The following CYTH3 variants were observed in gnomAD, a reference collection of about 807,000 sequenced individuals.
The protein encoded by CYTH3 is cytohesin 3.
CYTH3 carries 23 observed loss-of-function variants against 55.1 expected under a neutral mutation model. The ratio of observed to expected loss-of-function variants is 0.42; its 90% CI spans 0.30 to 0.59. CYTH3 has a LOEUF of 0.59. Among genes scored for constraint, CYTH3 ranks in the 20% least tolerant of loss-of-function variants. The probability of loss-of-function intolerance (pLI) is 0.20; values close to 1 mark genes in which losing one functional copy is unlikely to be tolerated. For synonymous variants in CYTH3, 249 were observed against 194.9 expected (o/e 1.28, Z -2.31); for missense variants, 413 against 524.8 (o/e 0.79, Z 2.08).
intron 1 of CYTH3, among the ~76,000 whole-genome samples, chr7:6,242,201 C>G (rs540820982): frequency 1.3e-5 from 2 of 150,172 alleles, no homozygotes; most frequent in Non-Finnish European, 3.0e-5. Flanking sequence ...CTCAGCCTCC[C>G]GAGTAGCTGG....
chr7:6,191,003 G>A (rs950911172), intron 1 of CYTH3, among the ~76,000 whole-genome samples: 1 of 152,038 alleles, frequency 6.6e-6, no homozygotes, highest in Non-Finnish European at 1.5e-5. Context: ...CTTGAACCCA[G>A]GAGGCGGAGG....
chr7:6,235,629 T>C (rs1257297714), intron 1 of CYTH3, among the ~76,000 whole-genome samples: 1 of 152,148 alleles, frequency 6.6e-6, no homozygotes, highest in Admixed American at 6.5e-5. Flanking sequence ...TTCTTTCTTA[T>C]ACACGGGAGT....
At position 6,169,471 on chromosome 7, in the gene CYTH3, A is replaced by G. The variant is rs539340739; in HGVS notation, c.823+1064T>C. Among the ~76,000 whole-genome samples, 1 of 152,128 alleles carries G rather than the reference A, an allele frequency of 6.6e-6. No individual in the cohort carries two copies. Among genetic ancestry groups the G allele is most frequent in the Admixed American group, 6.5e-5 (1 of 15,268 alleles). On this transcript the variant is annotated intron_variant, in intron 9 of 12. Transcript: ENST00000350796. This position sits in a 1 kb window ranked among gnomAD's most constrained non-coding sequence, Gnocchi z 4.1. ...AGCAATCCTCCCACCTCAGCCTCCC[A>G]AAGCACTAGGATTACACACATGAGC...
intron 1 of CYTH3, among the ~76,000 whole-genome samples, chr7:6,259,807 ATATATAATATATATATATATATATATTTT>A (rs1562417993): frequency 8.8e-4 from 23 of 26,180 alleles, no homozygotes; most frequent in South Asian, 2.2e-3. Flanking sequence ...ATATATATAT[ATATATAATATATATATATATATATATTTT>A]TTTTTTTTTT....
intron 2 of CYTH3, chr7:6,188,749 T>C (rs1022632645): frequency 1.1e-4 from 17 of 152,186 alleles, no homozygotes; most frequent in African/African-American, 3.6e-4. Context: ...TGCTCACTGA[T>C]AAAATGAAGT....
Position 6,170,421 on chromosome 7 carries a change from T to C in CYTH3, c.823+114A>G, listed in dbSNP as rs544920924. 2.0e-6 allele frequency: 2 copies of C among 983,134 alleles called. No individual in the cohort carries two copies. Among genetic ancestry groups the C allele is most frequent in the Non-Finnish European group, 3.0e-6 (2 of 668,054 alleles). 60.9% of individuals were successfully genotyped at this position (983,134 alleles called of 1,614,324 possible). A position where few individuals can be genotyped will look rare whatever the true frequency, so the allele number is the denominator to read the frequency against. On this transcript the variant is annotated intron_variant, in intron 9 of 12. Transcript: ENST00000350796. This position sits in a 1 kb window ranked among gnomAD's most constrained non-coding sequence, Gnocchi z 7.8. Reference sequence around the variant, plus strand: ...GCTCTGGCTTAACCGCGTTTCTTTTTAACGTCTCTGCCTGCGGTGGGGGGC... The same window carrying C: ...GCTCTGGCTTAACCGCGTTTCTTTTCAACGTCTCTGCCTGCGGTGGGGGGC...
intron 1 of CYTH3, among the ~76,000 whole-genome samples, chr7:6,252,759 G>C (rs894057969): frequency 3.9e-5 from 6 of 152,184 alleles, no homozygotes; most frequent in Admixed American, 1.3e-4. Context: ...CTTCATCCAA[G>C]GATCTGACAG....
intron 1 of CYTH3, among the ~76,000 whole-genome samples, chr7:6,230,151 A>G (rs1215361503): frequency 1.3e-5 from 2 of 152,176 alleles, no homozygotes; most frequent in Non-Finnish European, 2.9e-5. Context: ...AAATAAAAAT[A>G]AACATAAAAT....
intron 4 of CYTH3, 72 bp from the exon 5 acceptor site, chr7:6,178,013 C>A (rs553995436): frequency 1.7e-6 from 2 of 1,190,088 alleles, no homozygotes; most frequent in Non-Finnish European, 2.5e-6. Flanking sequence ...CAGAAATACA[C>A]TTAGTGTCAG....
intron 1 of CYTH3, among the ~76,000 whole-genome samples, chr7:6,244,596 C>G (rs560436761): frequency 1.3e-5 from 2 of 152,272 alleles, no homozygotes; most frequent in African/African-American, 4.8e-5. Flanking sequence ...TCCTGAGTAG[C>G]TGGGACTACC....
intron 1 of CYTH3, among the ~76,000 whole-genome samples, chr7:6,208,929 T>TC (rs549813984): frequency 1.8e-4 from 28 of 152,290 alleles, no homozygotes; most frequent in Admixed American, 7.8e-4. Flanking sequence ...CTAGACCCTA[T>TC]CCCAAACCTA....
intron 1 of CYTH3, among the ~76,000 whole-genome samples, chr7:6,239,377 T>C (rs1031901336): frequency 5.3e-5 from 8 of 152,124 alleles, no homozygotes; most frequent in East Asian, 3.9e-4. Context: ...AGCCAACATA[T>C]AAGTTCCCAG....
chr7:6,193,456 A>G (rs1350191308), intron 1 of CYTH3, among the ~76,000 whole-genome samples: 3 of 152,130 alleles, frequency 2.0e-5, no homozygotes, highest in Admixed American at 2.0e-4. Flanking sequence ...AAAACCTGTC[A>G]CAACAAAGAG....
At position 6,261,779 on chromosome 7, in the gene CYTH3, G is replaced by A. The variant is rs139931728; in HGVS notation, c.34+10695C>T. ...ATCCTCAAATGAAGCCAACAGGCAG[G>A]GTCTTGAATTATCTCTATAATTTTT... On this transcript the variant is annotated intron_variant, in intron 1 of 12. Transcript: ENST00000350796. Among the ~76,000 whole-genome samples, 149 of 151,244 alleles carry A rather than the reference G, an allele frequency of 9.9e-4. 3 individuals are homozygous for A. The East Asian group carries it at 0.018, about 18-fold the overall frequency.
chr7:6,189,167 G>GT (rs1783734557), intron 2 of CYTH3, among the ~76,000 whole-genome samples: 1 of 152,180 alleles, frequency 6.6e-6, no homozygotes, highest in Non-Finnish European at 1.5e-5. Flanking sequence ...AATCACTTCT[G>GT]TAACAATCAC....
intron 1 of CYTH3, among the ~76,000 whole-genome samples, chr7:6,197,993 C>G (rs1012115112): frequency 6.6e-6 from 1 of 150,448 alleles, no homozygotes; most frequent in Non-Finnish European, 1.5e-5. Flanking sequence ...ACTCAAGAGG[C>G]TGAAGTGGGG....
rs1783188067 is a variant in CYTH3 at position 6,171,362 on chromosome 7, C to G, written c.450-48G>C. On this transcript the variant is annotated intron_variant, in intron 6 of 12. Transcript: ENST00000350796. This position sits in a 1 kb window ranked among gnomAD's most constrained non-coding sequence, Gnocchi z 6.7. ...GGAAGCCGCATCAGAACCAACACCGCCTCACGGCCAAGGGCGGCTTCTGCC... is the reference window on the plus strand; with the variant it reads ...GGAAGCCGCATCAGAACCAACACCGGCTCACGGCCAAGGGCGGCTTCTGCC... The G allele has an allele frequency of 6.3e-7, 1 of 1,583,476 alleles. No individual in the cohort carries two copies. Among genetic ancestry groups the G allele is most frequent in the African/African-American group, 1.3e-5 (1 of 74,308 alleles).
At chr7:6,166,155 C>T (rs953631054) in intron 9 of CYTH3, among the ~76,000 whole-genome samples, 7 of 152,206 alleles carry the variant, frequency 4.6e-5, no homozygotes, top group Non-Finnish European at 7.4e-5. Flanking sequence ...GACCTGACCC[C>T]ACCATGTCAG....
chr7:6,178,821 G>A (rs757462493), intron 4 of CYTH3, among the ~76,000 whole-genome samples: 9 of 152,204 alleles, frequency 5.9e-5, no homozygotes, highest in African/African-American at 2.2e-4. Flanking sequence ...AAGGCAATGG[G>A]CTGCCCCTGG....
Sources: gnomAD v4.1 joint callset for allele counts (sites outside exome capture counted in the v4.1 genomes callset) on GRCh38, gnomAD v4.1.1 for gene constraint, Gnocchi (gnomAD v3.1) non-coding constraint, MANE v1.5 for transcripts, NCBI Gene and HGNC (gene_info 2026-07-23, HGNC 2026-07-21) for gene names.